COL10A1: variants seen among roughly 807,000 people sequenced by gnomAD.
The protein encoded by COL10A1 is collagen type X alpha 1 chain, also known as collagen alpha-1(X) chain.
Under a neutral mutation model 18.2 loss-of-function variants are expected in COL10A1, and 10 were observed. The ratio of observed to expected loss-of-function variants is 0.55; its 90% CI spans 0.34 to 0.93. The LOEUF is 0.93. Among genes scored for constraint, COL10A1 ranks in the 40% least tolerant of loss-of-function variants. The pLI is 0.02. For missense variants in COL10A1, 897 were observed against 853.5 expected, an observed-to-expected ratio of 1.05 and a Z score of -0.64; for synonymous variants, 330 against 316.6, an observed-to-expected ratio of 1.04 and a Z score of -0.45.
At chr6:116,154,531 GA>G (rs201589052) in intron 1 of COL10A1, among the ~76,000 whole-genome samples, 14 of 150,586 alleles carry the variant, frequency 9.3e-5, no homozygotes, top group Admixed American at 5.3e-4. Context: ...AAATGCTGAT[GA>G]AAAAAAAATA....
chr6:116,176,646 T>C, the COL10A1 span, among the ~76,000 whole-genome samples: 1 of 152,194 alleles, frequency 6.6e-6, no homozygotes, highest in East Asian at 1.9e-4. Flanking sequence ...TAATAGAGTT[T>C]TTCTTCCACC....
intron 1 of COL10A1, among the ~76,000 whole-genome samples, chr6:116,147,455 A>T (rs182240784): frequency 2.9e-4 from 44 of 152,190 alleles, no homozygotes; most frequent in East Asian, 7.7e-4. Context: ...AAAGAAAAAA[A>T]AAATAAAAAG....
rs1308458757 is a variant in COL10A1, at chr6:116,121,715, A to G, written c.401T>C (p.Leu134Pro). Residue 134 changes from leucine to proline, a missense_variant, in exon 3 of 3, where the codon CTA becomes CCA. By Grantham distance (98) the Leu-to-Pro change is moderately conservative. Transcript: ENST00000651968. The part of the protein sequence containing the change: ...GPKGDVGPAG[L>P]PGPRGPPGPP... ...TCCTGGTGGGCCCCGGGGTCCTGGT[A>G]GGCCAGCTGGTCCAACATCTCCTTT... The G allele has an allele frequency of 6.2e-7, 1 of 1,613,682 alleles. No homozygotes were observed. The highest frequency in any genetic ancestry group is 1.3e-5 in the African/African-American group (1 of 74,778).
the COL10A1 span, among the ~76,000 whole-genome samples, chr6:116,175,841 A>G: frequency 6.6e-6 from 1 of 152,172 alleles, no homozygotes; most frequent in Non-Finnish European, 1.5e-5. Flanking sequence ...ATCCTTTAAC[A>G]GTTCAATCTT....
At chr6:116,163,141 A>ATATATATATATATATAT (rs1554197064), upstream of COL10A1, among the ~76,000 whole-genome samples, 2 of 88,402 alleles carry the variant, frequency 2.3e-5, no homozygotes, top group African/African-American at 1.2e-4. Context: ...AAAAAAAAAA[A>ATATATATATATATATAT]ATATATATAT....
chr6:116,140,995 A>G (rs533097250), intron 1 of COL10A1, among the ~76,000 whole-genome samples: 307 of 152,244 alleles, frequency 2.0e-3, no homozygotes, highest in African/African-American at 7.0e-3. Context: ...TATATTAACT[A>G]TGTATATTTT....
chr6:116,176,802 T>C, the COL10A1 span, among the ~76,000 whole-genome samples: 2 of 152,050 alleles, frequency 1.3e-5, no homozygotes, highest in Non-Finnish European at 1.5e-5. Flanking sequence ...GATTTGTTGT[T>C]CCCCCTAGAG....
intron 1 of COL10A1, among the ~76,000 whole-genome samples, chr6:116,132,078 A>G (rs1228344299): frequency 6.6e-6 from 1 of 152,060 alleles, no homozygotes; most frequent in Non-Finnish European, 1.5e-5. Flanking sequence ...TCTATCATTG[A>G]TGGGTATTTA....
chr6:116,130,784 A>G (rs563436331), upstream of COL10A1, among the ~76,000 whole-genome samples: 2 of 152,234 alleles, frequency 1.3e-5, no homozygotes, highest in Non-Finnish European at 1.5e-5. Context: ...TAAAAACCCT[A>G]GTACTCATGC....
At chr6:116,215,173 C>T in the COL10A1 span, among the ~76,000 whole-genome samples, 12 of 152,132 alleles carry the variant, frequency 7.9e-5, no homozygotes, top group East Asian at 3.9e-4. Context: ...TTGGATAATA[C>T]GGAGCACATG....
At chr6:116,152,488 A>C (rs1338840534) in intron 1 of COL10A1, among the ~76,000 whole-genome samples, 1 of 152,108 alleles carries the variant, frequency 6.6e-6, no homozygotes, top group African/African-American at 2.4e-5. Flanking sequence ...TATCTACCCC[A>C]CCGTGCCAGA....
intron 2 of COL10A1, among the ~76,000 whole-genome samples, chr6:116,123,101 ATGTT>A (rs1277503829): frequency 2.0e-5 from 3 of 152,216 alleles, no homozygotes; most frequent in Non-Finnish European, 4.4e-5. Flanking sequence ...AATGCCAACT[ATGTT>A]AGATTGAGCT....
At chr6:116,161,009 C>T (rs1228848420), upstream of COL10A1, among the ~76,000 whole-genome samples, 1 of 151,626 alleles carries the variant, frequency 6.6e-6, no homozygotes, top group African/African-American at 2.4e-5. Context: ...TACTATGCAG[C>T]CATAAAAAAT....
intron 2 of COL10A1, among the ~76,000 whole-genome samples, chr6:116,123,727 TCTAAA>T (rs1779206802): frequency 6.6e-6 from 1 of 152,240 alleles, no homozygotes; most frequent in South Asian, 2.1e-4. Flanking sequence ...TGAGTGTCTA[TCTAAA>T]AAGAGACTAA....
intron 2 of COL10A1, among the ~76,000 whole-genome samples, chr6:116,122,310 A>G (rs947412405): frequency 1.3e-5 from 2 of 152,200 alleles, no homozygotes; most frequent in African/African-American, 4.8e-5. Flanking sequence ...AGAAAAAGAC[A>G]GTGCAGAATA....
intron 1 of COL10A1, among the ~76,000 whole-genome samples, chr6:116,138,696 T>C (rs999734950): frequency 6.6e-6 from 1 of 152,186 alleles, no homozygotes; most frequent in Admixed American, 6.5e-5. Context: ...TGGGAGACTT[T>C]TGAATTATTA....
In COL10A1 at chr6:116,125,496, C is replaced by T. The variant is rs1169700245; in HGVS notation, c.-4G>A. ...AAAAGGGTATTTGTGGCAGCATATTCTCAGATGGATTCTGAAAAACAGAAA... is the reference window on the plus strand; with the variant it reads ...AAAAGGGTATTTGTGGCAGCATATTTTCAGATGGATTCTGAAAAACAGAAA... On this transcript the variant is annotated 5_prime_UTR_variant, in exon 2 of 3. Transcript: ENST00000651968. 6.2e-7 allele frequency: 1 copy of T among 1,613,222 alleles called. No homozygotes were observed. The highest frequency in any genetic ancestry group is 1.3e-5 in the African/African-American group (1 of 74,864).
At chr6:116,138,749 A>G (rs1417935721) in intron 1 of COL10A1, among the ~76,000 whole-genome samples, 1 of 152,102 alleles carries the variant, frequency 6.6e-6, no homozygotes, top group Non-Finnish European at 1.5e-5. Flanking sequence ...GTAGAACTTC[A>G]TTTTGTAGTA....
intron 2 of COL10A1, 42 bp downstream of exon 2, chr6:116,125,297 C>T (rs770693989): frequency 1.2e-6 from 2 of 1,600,398 alleles, no homozygotes; most frequent in Admixed American, 3.4e-5. Context: ...TAGAAAGCAA[C>T]AAGCAACTTG....
Sources: gnomAD v4.1 joint callset for allele counts (sites outside exome capture counted in the v4.1 genomes callset) on GRCh38, gnomAD v4.1.1 for gene constraint, MANE v1.5 for transcripts, NCBI Gene and HGNC (gene_info 2026-07-23, HGNC 2026-07-21) for gene names.